The following MORC3 variants were observed in gnomAD, a reference collection of about 807,000 sequenced individuals.
The protein encoded by MORC3 is MORC family CW-type zinc finger protein 3.
In MORC3, 31 loss-of-function variants were observed where a neutral mutation model predicts 109.1. The observed-to-expected ratio is 0.28, with a 90% CI of 0.21 to 0.38. The LOEUF (loss-of-function observed/expected upper bound fraction) is 0.38. MORC3 is among the 10% of genes least tolerant of loss of function. The probability of loss-of-function intolerance (pLI) is 1.00; values close to 1 mark genes in which losing one functional copy is unlikely to be tolerated. For missense variants in MORC3, 867 were observed against 1,135.8 expected (o/e 0.76, Z 3.40); for synonymous variants, 395 against 380.7 (o/e 1.04, Z -0.44).
At chr21:36,350,514 C>T (rs556477960) in intron 9 of MORC3, among the ~76,000 whole-genome samples, 155 of 148,948 alleles carry the variant, frequency 1.0e-3, no homozygotes, top group African/African-American at 3.5e-3. Context: ...ACTGCATTCC[C>T]GCGCTGGTGA....
At chr21:36,344,279 T>C (rs991489841) in intron 6 of MORC3, among the ~76,000 whole-genome samples, 2 of 152,150 alleles carry the variant, frequency 1.3e-5, no homozygotes, top group South Asian at 4.1e-4. Context: ...TTTTTAAAAT[T>C]AAAATGTGAT....
At chr21:36,363,893 A>G (rs573847588) in intron 13 of MORC3, among the ~76,000 whole-genome samples, 200 bp from the exon 14 acceptor site, 80 of 152,302 alleles carry the variant, frequency 5.3e-4, no homozygotes, top group African/African-American at 1.9e-3. Context: ...AAAAATACAA[A>G]GCCATTCTTA....
intron 2 of MORC3, 70 bp downstream of exon 2, chr21:36,333,788 T>TG: frequency 7.6e-7 from 1 of 1,308,006 alleles, no homozygotes; most frequent in Non-Finnish European, 1.1e-6. Context: ...TGTTTTGTTT[T>TG]GTTTTTTTTT....
chr21:36,369,912 C>T (rs2085835075), intron 15 of MORC3, 36 bp downstream of exon 15: 2 of 1,588,606 alleles, frequency 1.3e-6, no homozygotes, highest in East Asian at 2.2e-5. Context: ...TCATGGAGTC[C>T]AGGGCCATTT....
At chr21:36,344,773 C>T (rs2085489381) in intron 7 of MORC3, 66 bp downstream of exon 7, 2 of 1,594,902 alleles carry the variant, frequency 1.3e-6, no homozygotes, top group South Asian at 1.1e-5. Flanking sequence ...CCCCTTTCCC[C>T]TTATATGCTG....
chr21:36,370,639 ATTTTTTTT>A lies in MORC3; in HGVS notation c.2508+788_2508+795del, dbSNP rs869169013. 3.7e-3 allele frequency among the ~76,000 whole-genome samples: 138 copies of A among 37,440 alleles called. 1 individual carries two copies. Among genetic ancestry groups the A allele is most frequent in the East Asian group, 0.014 (21 of 1,544 alleles). The allele number at this position is 37,440 out of a possible 152,430, so 24.6% of individuals were successfully genotyped here. A position where few individuals can be genotyped will look rare whatever the true frequency, so the allele number is the denominator to read the frequency against. ...TATATATATATATATATATATATAT[ATTTTTTTT>A]TTTTTTTTTTTTTTTTTTTTTTTTC... On this transcript the variant is annotated intron_variant, in intron 15 of 16. Transcript: ENST00000400485.
intron 1 of MORC3, among the ~76,000 whole-genome samples, chr21:36,330,492 G>A (rs2085302677): frequency 1.3e-5 from 2 of 152,142 alleles, no homozygotes; most frequent in Admixed American, 1.3e-4. Flanking sequence ...CATCTTAAAT[G>A]TATTTCATTG....
intron 13 of MORC3, among the ~76,000 whole-genome samples, chr21:36,363,819 G>C (rs780602789): frequency 6.6e-6 from 1 of 152,154 alleles, no homozygotes; most frequent in Non-Finnish European, 1.5e-5. Flanking sequence ...TTTTGGCTTT[G>C]TGGGCCACAT....
chr21:36,334,827 T>C (rs1364241617), intron 2 of MORC3, among the ~76,000 whole-genome samples: 1 of 152,142 alleles, frequency 6.6e-6, no homozygotes, highest in Non-Finnish European at 1.5e-5. Flanking sequence ...GATTTTTTTC[T>C]TGGGAAAAAT....
chr21:36,350,925 C>G lies in MORC3; in HGVS notation c.1103+1517C>G, dbSNP rs779767975. ...ATACAAGCATACAACATGTAATGAT[C>G]AAGTCAGGGTTATTGGGATATTCAT... is the stretch of plus-strand genomic sequence containing the variant. On this transcript the variant is annotated intron_variant, in intron 9 of 16. Transcript: ENST00000400485. 3.9e-5 allele frequency among the ~76,000 whole-genome samples: 6 copies of G among 152,086 alleles called. No homozygotes were observed. The South Asian group carries it at 1.0e-3, about 26-fold the overall frequency.
At chr21:36,353,755 A>ATTTTTTTTTT (rs1202729285) in intron 9 of MORC3, among the ~76,000 whole-genome samples, 3,654 of 70,828 alleles carry the variant, frequency 0.052, 644 homozygotes, top group South Asian at 0.14. Context: ...TAATTTTTGT[A>ATTTTTTTTTT]TTTTTTTTTT....
At chr21:36,374,933 A>G (rs1341977609) in intron 16 of MORC3, among the ~76,000 whole-genome samples, 4 of 152,206 alleles carry the variant, frequency 2.6e-5, no homozygotes, top group African/African-American at 9.6e-5. Flanking sequence ...GGCTTCACAA[A>G]TGCTGGGAAT....
intron 8 of MORC3, among the ~76,000 whole-genome samples, chr21:36,345,837 G>A (rs1420974770): frequency 6.6e-6 from 1 of 151,788 alleles, no homozygotes; most frequent in East Asian, 1.9e-4. Flanking sequence ...GATTACAGGT[G>A]TGAGCCACCG....
Position 36,336,979 on chromosome 21 carries a change from C to T in MORC3, c.218C>T (p.Thr73Ile). Residue 73 changes from threonine to isoleucine, a missense_variant, in exon 3 of 17, where the codon ACT (threonine) becomes ATT (isoleucine). Physicochemically the swap from Thr to Ile is moderately conservative, Grantham distance 89. Transcript: ENST00000400485. ...TTCACCGACAATGGGAATGGTATGA[C>T]TTCTGATAAATTACATAAAATGCTA... ...LTFTDNGNGM[T>I]SDKLHKMLSF... 12 of 1,611,692 alleles carry T rather than the reference C, an allele frequency of 7.4e-6. No homozygotes were observed. The highest frequency in any genetic ancestry group is 1.0e-5 in the Non-Finnish European group (12 of 1,179,292).
rs564012603 is a variant in MORC3, at chr21:36,329,366, G to T, written c.40-4280G>T. The stretch of plus-strand genomic sequence containing the variant: ...CATTCAAAGCTGTCCTGGGCCACAT[G>T]CATCCCATGGGGGCTGAGGGTTGGA... On this transcript the variant is annotated intron_variant, in intron 1 of 16. Transcript: ENST00000400485. 2.0e-5 allele frequency among the ~76,000 whole-genome samples: 3 copies of T among 152,220 alleles called. No individual in the cohort carries two copies. In the South Asian group the frequency reaches 6.2e-4, roughly 32 times the overall value.
intron 5 of MORC3, 51 bp downstream of exon 5, chr21:36,338,972 GGGT>G: frequency 6.3e-7 from 1 of 1,583,092 alleles, no homozygotes; most frequent in Non-Finnish European, 8.7e-7. Flanking sequence ...TGCACGTGCA[GGGT>G]GGTGGTGTTA....
At chr21:36,359,891 A>G (rs2085693520) in intron 10 of MORC3, 64 bp from the exon 11 acceptor site, 8 of 1,572,278 alleles carry the variant, frequency 5.1e-6, no homozygotes, top group Non-Finnish European at 7.0e-6. Context: ...ATGATGTGGA[A>G]CATCTGATGA....
At chr21:36,345,623 T>C (rs978971482) in intron 8 of MORC3, among the ~76,000 whole-genome samples, 3 of 152,054 alleles carry the variant, frequency 2.0e-5, no homozygotes, top group Non-Finnish European at 2.9e-5. Flanking sequence ...GGTTTCAGTG[T>C]GTCAGCCAGC....
chr21:36,363,846 ATTC>A (rs1160478892), intron 13 of MORC3, among the ~76,000 whole-genome samples: 5 of 152,168 alleles, frequency 3.3e-5, no homozygotes, highest in Non-Finnish European at 7.3e-5. Flanking sequence ...TCTGTTGCAT[ATTC>A]TTTGTTTTGT....
Sources: allele counts gnomAD v4.1 joint callset (sites outside exome capture counted in the v4.1 genomes callset), GRCh38; gene constraint gnomAD v4.1.1; transcripts MANE v1.5; gene names NCBI Gene and HGNC (gene_info 2026-07-23, HGNC 2026-07-21).